The following NXPE2 variants were observed in gnomAD, a reference collection of about 807,000 sequenced individuals.
NXPE2 encodes NXPE family member 2.
In NXPE2, 34 loss-of-function variants were observed where a neutral mutation model predicts 34.4. That is an observed-to-expected ratio of 0.99 (90% CI 0.75 to 1.31). The LOEUF (loss-of-function observed/expected upper bound fraction) is 1.31. Among genes scored for constraint, NXPE2 ranks in the 40% most tolerant of loss-of-function variants. The pLI is 0.00. For synonymous variants in NXPE2, 235 were observed against 231.3 expected (o/e 1.02, Z -0.15); for missense variants, 649 against 672.5 (o/e 0.97, Z 0.39).
chr11:114,771,445 G>A, the NXPE2 span, among the ~76,000 whole-genome samples: 3 of 151,380 alleles, frequency 2.0e-5, no homozygotes, highest in Non-Finnish European at 4.4e-5. Context: ...AGCCTGACAA[G>A]TGAATAGTTC....
the NXPE2 span, chr11:114,580,307 C>G: frequency 6.2e-7 from 1 of 1,614,030 alleles, no homozygotes; most frequent in Non-Finnish European, 8.5e-7. Flanking sequence ...TCATTCCAAA[C>G]TTGCATTTCT....
chr11:114,596,438 A>G, the NXPE2 span, among the ~76,000 whole-genome samples: 16 of 152,268 alleles, frequency 1.1e-4, no homozygotes, highest in South Asian at 3.3e-3. Context: ...GGGCATGCCC[A>G]TCATCTTTCC....
At chr11:114,678,407 C>G, upstream of NXPE2, 1 of 561,094 alleles carries the variant, frequency 1.8e-6, no homozygotes, top group Non-Finnish European at 3.2e-6. Context: ...AGGAACAGAT[C>G]ATAATAAGGG....
intron 2 of NXPE2, among the ~76,000 whole-genome samples, chr11:114,693,601 C>T (rs1591436311): frequency 6.6e-6 from 1 of 152,146 alleles, no homozygotes; most frequent in South Asian, 2.1e-4. Context: ...AACTTGCAGC[C>T]TTAACCTAAC....
At chr11:114,584,496 A>G in the NXPE2 span, 1 of 183,708 alleles carries the variant, frequency 5.4e-6, no homozygotes, top group Non-Finnish European at 1.1e-5. Context: ...CAGATGAATT[A>G]CCTGTGAGGA....
chr11:114,533,513 G>A, the NXPE2 span, among the ~76,000 whole-genome samples: 3 of 152,206 alleles, frequency 2.0e-5, no homozygotes, highest in East Asian at 1.9e-4. Context: ...AAGCACAAGC[G>A]GTCAGGGAAT....
chr11:114,569,665 T>A, the NXPE2 span, among the ~76,000 whole-genome samples: 1 of 152,158 alleles, frequency 6.6e-6, no homozygotes, highest in African/African-American at 2.4e-5. Context: ...TCTTGCGCTG[T>A]CACTCTGGCC....
the NXPE2 span, chr11:114,530,566 G>A: frequency 6.2e-7 from 1 of 1,614,004 alleles, no homozygotes; most frequent in East Asian, 2.2e-5. Flanking sequence ...CCTGCCGTCA[G>A]TGCTGGGGAG....
the NXPE2 span, among the ~76,000 whole-genome samples, chr11:114,603,398 A>T: frequency 1.3e-3 from 124 of 97,206 alleles, no homozygotes; most frequent in South Asian, 2.0e-3. Flanking sequence ...CCTAGGTAAC[A>T]CCTATTACCT....
chr11:114,526,935 T>G, the NXPE2 span, among the ~76,000 whole-genome samples: 1 of 152,218 alleles, frequency 6.6e-6, no homozygotes, highest in African/African-American at 2.4e-5. Context: ...GTTTCTCTTC[T>G]TCATTCTCTG....
the NXPE2 span, among the ~76,000 whole-genome samples, chr11:114,476,173 A>G: frequency 6.6e-6 from 1 of 152,226 alleles, no homozygotes; most frequent in African/African-American, 2.4e-5. Context: ...AGTGAGGACC[A>G]CCTGTAGTAA....
chr11:114,776,896 T>G, the NXPE2 span, among the ~76,000 whole-genome samples: 1 of 152,244 alleles, frequency 6.6e-6, no homozygotes, highest in East Asian at 1.9e-4. Flanking sequence ...CAGCTGCATT[T>G]TTTCAAATAG....
At chr11:114,578,068 A>G in the NXPE2 span, among the ~76,000 whole-genome samples, 2 of 152,334 alleles carry the variant, frequency 1.3e-5, no homozygotes, top group South Asian at 4.1e-4. Flanking sequence ...TTATCAGAAC[A>G]TCAGGGCTAA....
the NXPE2 span, among the ~76,000 whole-genome samples, chr11:114,793,802 T>C: frequency 1.3e-5 from 2 of 152,320 alleles, no homozygotes; most frequent in Non-Finnish European, 2.9e-5. Context: ...GAGAAGGATG[T>C]TATTTTAAGA....
At chr11:114,607,817 C>T in the NXPE2 span, among the ~76,000 whole-genome samples, 1,329 of 151,678 alleles carry the variant, frequency 8.8e-3, 20 homozygotes, top group African/African-American at 0.031. Flanking sequence ...CTTCAGTAAC[C>T]ACTATTACCC....
chr11:114,672,342 C>G, the NXPE2 span, among the ~76,000 whole-genome samples: 1 of 151,488 alleles, frequency 6.6e-6, no homozygotes, highest in East Asian at 1.9e-4. Flanking sequence ...AAATATACAG[C>G]AATAATTAAA....
At chr11:114,646,093 C>T in the NXPE2 span, among the ~76,000 whole-genome samples, 14 of 152,026 alleles carry the variant, frequency 9.2e-5, no homozygotes, top group Non-Finnish European at 1.9e-4. Flanking sequence ...TTCCCTTCAA[C>T]TTCTTTTATT....
the NXPE2 span, among the ~76,000 whole-genome samples, chr11:114,793,356 T>C: frequency 6.6e-6 from 1 of 152,172 alleles, no homozygotes; most frequent in African/African-American, 2.4e-5. Context: ...CAGGCAAAAT[T>C]TCACAGACTA....
At chr11:114,581,471 T>A in the NXPE2 span, among the ~76,000 whole-genome samples, 3 of 152,170 alleles carry the variant, frequency 2.0e-5, no homozygotes, top group Non-Finnish European at 4.4e-5. Context: ...AAGGTTGTTG[T>A]ATAAAATGGG....
Sources: gnomAD v4.1 joint callset for allele counts (sites outside exome capture counted in the v4.1 genomes callset) on GRCh38, gnomAD v4.1.1 for gene constraint, MANE v1.5 for transcripts, NCBI Gene and HGNC (gene_info 2026-07-23, HGNC 2026-07-21) for gene names.